CABIN1: variants seen among roughly 807,000 people sequenced by gnomAD.
The protein encoded by CABIN1 is calcineurin-binding protein cabin-1.
CABIN1 carries 133 observed loss-of-function variants against 227.7 expected under a neutral mutation model. The observed-to-expected ratio is 0.58, with a 90% CI of 0.51 to 0.67. The LOEUF (loss-of-function observed/expected upper bound fraction) is 0.67, where lower values mean the gene tolerates loss of function less well. Among genes scored for constraint, CABIN1 ranks in the 30% least tolerant of loss-of-function variants. The pLI, the probability that CABIN1 is intolerant of heterozygous loss-of-function variation, is 0.00. For missense variants in CABIN1, 2,408 were observed against 2,852.5 expected, an observed-to-expected ratio of 0.84 and a Z score of 3.55; for synonymous variants, 1,086 against 1,155.1, an observed-to-expected ratio of 0.94 and a Z score of 1.21.
intron 29 of CABIN1, among the ~76,000 whole-genome samples, chr22:24,136,524 ATTTTT>A (rs145864566): frequency 0.03 from 2,063 of 69,858 alleles, 38 homozygotes; most frequent in Middle Eastern, 0.051. Flanking sequence ...TAATTTTTGT[ATTTTT>A]TTTTTTTTTT....
intron 18 of CABIN1, among the ~76,000 whole-genome samples, chr22:24,073,026 A>G (rs1212990635): frequency 1.3e-5 from 2 of 152,174 alleles, no homozygotes; most frequent in Admixed American, 6.5e-5. Flanking sequence ...ATGAAATGAA[A>G]TAATAAAGCC....
At chr22:24,021,681 G>A (rs1468611651) in intron 1 of CABIN1, among the ~76,000 whole-genome samples, 2 of 151,784 alleles carry the variant, frequency 1.3e-5, no homozygotes, top group Non-Finnish European at 2.9e-5. Context: ...CATCTCCTTT[G>A]GGTTATTCTT....
chr22:24,119,440 A>G lies in CABIN1; in HGVS notation c.4374A>G (p.Ala1458=), dbSNP rs2043270982. 1.2e-6 allele frequency: 2 copies of G among 1,614,126 alleles called. No homozygotes were observed. The highest frequency in any genetic ancestry group is 1.7e-6 in the Non-Finnish European group (2 of 1,180,020). The change falls in exon 28 of 37, where the codon GCA becomes GCG. Residue 1458 remains alanine (A), a synonymous_variant. Coordinates refer to ENST00000263119, the MANE Select transcript of CABIN1 (RefSeq NM_012295.4). ...AGCAAGGTGTCCAGAAGCCTGCTGC[A>G]GAAACCCCAGCCTCTGCTTGCATCC... The part of the protein sequence containing the change: ...AAEQGVQKPA[A]ETPASACIPG...
intron 17 of CABIN1, among the ~76,000 whole-genome samples, 190 bp from the exon 18 acceptor site, chr22:24,072,164 C>T (rs1051581618): frequency 5.3e-5 from 8 of 152,192 alleles, no homozygotes; most frequent in African/African-American, 1.9e-4. Context: ...GTGTGACTAT[C>T]ATTGGACACT....
intron 26 of CABIN1, among the ~76,000 whole-genome samples, chr22:24,098,723 G>T (rs1433323981): frequency 6.6e-6 from 1 of 152,196 alleles, no homozygotes; most frequent in African/African-American, 2.4e-5. Flanking sequence ...GTGGGATGGG[G>T]CAGGTGGCGA....
chr22:24,061,833 G>A (rs546490441), intron 12 of CABIN1, 114 bp from the exon 13 acceptor site: 23 of 775,404 alleles, frequency 3.0e-5, no homozygotes, highest in Admixed American at 2.0e-4. Context: ...TGGATAGAAA[G>A]AATTATATTT....
At chr22:24,102,017 T>G (rs867495338) in intron 26 of CABIN1, among the ~76,000 whole-genome samples, 1 of 152,138 alleles carries the variant, frequency 6.6e-6, no homozygotes, top group African/African-American at 2.4e-5. Context: ...TGCCCTTGTT[T>G]CCCCAAGAGG....
intron 29 of CABIN1, among the ~76,000 whole-genome samples, chr22:24,159,685 G>A (rs1024136853): frequency 6.6e-6 from 1 of 152,214 alleles, no homozygotes; most frequent in Non-Finnish European, 1.5e-5. Context: ...AATGGGGCAG[G>A]GGGTTGCATC....
intron 8 of CABIN1, 39 bp from the exon 9 acceptor site, chr22:24,054,833 GA>G: frequency 6.2e-7 from 1 of 1,613,868 alleles, no homozygotes. Context: ...GTATTCCTCT[GA>G]CAGGGTGGTG....
intron 1 of CABIN1, among the ~76,000 whole-genome samples, chr22:24,033,629 C>T (rs2036656456): frequency 6.6e-6 from 1 of 152,138 alleles, no homozygotes; most frequent in Non-Finnish European, 1.5e-5. Flanking sequence ...TGTCCATATC[C>T]CCATCCCAGT....
Position 24,119,610 on chromosome 22 carries a change from C to T in CABIN1, c.4544C>T (p.Ser1515Phe), listed in dbSNP as rs1450078465. ...RQFLTEQCIA[S>F]FRLCLSRFPQ... Reference sequence around the variant, plus strand: ...TTTCTCACAGAGCAGTGCATCGCCTCCTTCCGCCTGTGCCTGAGCCGCTTC... The same window carrying T: ...TTTCTCACAGAGCAGTGCATCGCCTTCTTCCGCCTGTGCCTGAGCCGCTTC... Residue 1515 changes from serine (S) to phenylalanine (F), a missense_variant, in exon 28 of 37, where the codon TCC becomes TTC. Physicochemically the swap from Ser to Phe is radical, Grantham distance 155. This residue lies in a region of CABIN1 where 649 missense variants were observed against 910.3 expected (regional missense o/e 0.71). Transcript: ENST00000263119. The T allele has an allele frequency of 6.2e-7, 1 of 1,613,784 alleles. No individual in the cohort carries two copies. Among genetic ancestry groups the T allele is most frequent in the Admixed American group, 1.7e-5 (1 of 60,020 alleles).
chr22:24,025,710 T>C (rs1333556761), intron 1 of CABIN1, among the ~76,000 whole-genome samples: 1 of 152,236 alleles, frequency 6.6e-6, no homozygotes, highest in Non-Finnish European at 1.5e-5. Context: ...GCTCTCACTC[T>C]GTCACCCGGG....
intron 30 of CABIN1, among the ~76,000 whole-genome samples, chr22:24,165,051 G>A (rs1270537341): frequency 6.6e-6 from 1 of 152,200 alleles, no homozygotes; most frequent in Non-Finnish European, 1.5e-5. Flanking sequence ...AGGGGGTGTT[G>A]GGGGGATCCT....
chr22:24,145,311 C>A (rs912400577), intron 29 of CABIN1, among the ~76,000 whole-genome samples: 3 of 152,188 alleles, frequency 2.0e-5, no homozygotes, highest in African/African-American at 4.8e-5. Context: ...GCAGCAGGAG[C>A]ACTGTCAACC....
chr22:24,029,099 A>C (rs1290107525), intron 1 of CABIN1, among the ~76,000 whole-genome samples: 1 of 152,198 alleles, frequency 6.6e-6, no homozygotes, highest in Non-Finnish European at 1.5e-5. Flanking sequence ...GCTCATACCT[A>C]TAACAGCACT....
Position 24,070,925 on chromosome 22 carries a change from A to G in CABIN1, c.2358A>G (p.Thr786=), listed in dbSNP as rs766147936. The G allele has an allele frequency of 4.3e-6, 7 of 1,614,236 alleles. No homozygotes were observed. Among genetic ancestry groups the G allele is most frequent in the Non-Finnish European group, 5.9e-6 (7 of 1,180,038 alleles). ...CCGCCAAGGAGGAGTGGGTGGCCAC[A>G]GTGACCCAACTGCTGATGGGCATCG... The part of the protein sequence containing the change: ...EAAAKEEWVA[T]VTQLLMGIEQ... The change falls in exon 17 of 37, where the codon ACA becomes ACG. Residue 786 remains threonine, a synonymous_variant. Coordinates refer to ENST00000263119, the MANE Select transcript of CABIN1 (RefSeq NM_012295.4).
chr22:24,033,623 C>G (rs968558844), intron 1 of CABIN1, among the ~76,000 whole-genome samples: 63 of 152,148 alleles, frequency 4.1e-4, no homozygotes, highest in Admixed American at 1.3e-4. Context: ...TGGTAGTGTC[C>G]ATATCCCCAT....
At chr22:24,027,734 C>T (rs899061407) in intron 1 of CABIN1, among the ~76,000 whole-genome samples, 3 of 152,246 alleles carry the variant, frequency 2.0e-5, no homozygotes, top group Non-Finnish European at 4.4e-5. Context: ...CACCCTTCTG[C>T]CTTCCACCAC....
rs1207191010 is a variant in CABIN1, at chr22:24,035,396, C to T, written c.-74-48C>T. The T allele has an allele frequency of 8.2e-6, 11 of 1,345,424 alleles. 1 individual carries two copies. The highest frequency in any genetic ancestry group is 1.1e-5 in the Non-Finnish European group (10 of 936,228). 83.3% of individuals were successfully genotyped at this position (1,345,424 alleles called of 1,614,324 possible). A position where few individuals can be genotyped will look rare whatever the true frequency, so the allele number is the denominator to read the frequency against. The stretch of plus-strand genomic sequence containing the variant: ...TGGTGGACCTTGGCACTGTGACCTT[C>T]CTGGCTCTTCATAGGCCTTGTCTCA... On this transcript the variant is annotated intron_variant, in intron 1 of 36. Coordinates refer to ENST00000263119, the MANE Select transcript of CABIN1 (RefSeq NM_012295.4).
Sources: allele counts gnomAD v4.1 joint callset (sites outside exome capture counted in the v4.1 genomes callset), GRCh38; gene constraint gnomAD v4.1.1; regional missense constraint gnomAD v4.1.1; transcripts MANE v1.5; gene names NCBI Gene and HGNC (gene_info 2026-07-23, HGNC 2026-07-21).